Variants in RMDN2 observed in about 807,000 individuals in gnomAD.
RMDN2 encodes regulator of microtubule dynamics protein 2.
RMDN2 carries 61 observed loss-of-function variants against 52.8 expected under a neutral mutation model. The observed-to-expected ratio is 1.16, with a 90% CI of 0.94 to 1.43. The LOEUF (loss-of-function observed/expected upper bound fraction) is 1.43. RMDN2 is among the 40% of genes most tolerant of loss of function. The pLI is 0.00. For synonymous variants in RMDN2, 180 were observed against 153.1 expected, an observed-to-expected ratio of 1.18 and a Z score of -1.30; for missense variants, 592 against 475.3, an observed-to-expected ratio of 1.25 and a Z score of -2.28.
intron 7 of RMDN2, among the ~76,000 whole-genome samples, chr2:37,995,266 A>C (rs1558525835): frequency 6.6e-6 from 1 of 152,008 alleles, no homozygotes; most frequent in Non-Finnish European, 1.5e-5. Flanking sequence ...AAACATATAT[A>C]TGGTTTCAGG....
chr2:37,965,100 T>G (rs1463273698), intron 2 of RMDN2, among the ~76,000 whole-genome samples: 1 of 152,170 alleles, frequency 6.6e-6, no homozygotes, highest in Admixed American at 6.5e-5. Flanking sequence ...CCTTCCATAT[T>G]CAACATATGT....
intron 7 of RMDN2, among the ~76,000 whole-genome samples, chr2:37,996,472 C>G (rs527351838): frequency 2.4e-4 from 36 of 151,602 alleles, no homozygotes; most frequent in African/African-American, 8.2e-4. Context: ...GTAGTTCCAA[C>G]TGTTCAGGAG....
chr2:37,950,504 T>C lies in RMDN2; in HGVS notation c.452+20775T>C, dbSNP rs752640242. On this transcript the variant is annotated intron_variant, in intron 2 of 10. Coordinates refer to ENST00000354545, the MANE Select transcript of RMDN2 (RefSeq NM_001170791.3). Reference sequence around the variant, plus strand: ...ATTCAGTCTTCTGACCTGTTCCACCTCTACAGGGCATTTTATGGCTTAAGG... The same window carrying C: ...ATTCAGTCTTCTGACCTGTTCCACCCCTACAGGGCATTTTATGGCTTAAGG... 4 of 1,612,724 alleles carry C rather than the reference T, an allele frequency of 2.5e-6. No homozygotes were observed. The Admixed American group carries it at 5.0e-5, about 20-fold the overall frequency.
chr2:38,026,338 C>T (rs908391388), intron 10 of RMDN2, among the ~76,000 whole-genome samples: 3 of 151,918 alleles, frequency 2.0e-5, no homozygotes, highest in South Asian at 4.1e-4. Flanking sequence ...TTTGTGTTTT[C>T]CCTATTTCCT....
intron 5 of RMDN2, among the ~76,000 whole-genome samples, chr2:37,982,921 C>G (rs1048798435): frequency 2.0e-5 from 3 of 152,062 alleles, no homozygotes; most frequent in African/African-American, 4.8e-5. Flanking sequence ...CCTACTCTCT[C>G]TCTTCATCGC....
chr2:37,999,497 A>C (rs1040630097), intron 8 of RMDN2, among the ~76,000 whole-genome samples: 1 of 152,236 alleles, frequency 6.6e-6, no homozygotes, highest in South Asian at 2.1e-4. Context: ...CTTTAGTCTC[A>C]AAATGCCTTC....
intron 10 of RMDN2, among the ~76,000 whole-genome samples, chr2:38,046,246 A>G (rs1042406835): frequency 1.9e-4 from 29 of 152,344 alleles, no homozygotes; most frequent in African/African-American, 6.0e-4. Context: ...ACTCACTCAA[A>G]GATTCATTAC....
intron 10 of RMDN2, among the ~76,000 whole-genome samples, chr2:38,062,507 C>T (rs1177757938): frequency 6.6e-6 from 1 of 152,098 alleles, no homozygotes; most frequent in African/African-American, 2.4e-5. Context: ...AGTATGAAGT[C>T]ATGATGAATG....
upstream of RMDN2, among the ~76,000 whole-genome samples, chr2:37,921,531 G>C (rs892156551): frequency 3.3e-5 from 5 of 152,234 alleles, no homozygotes; most frequent in Non-Finnish European, 7.3e-5. Flanking sequence ...CAAATGATCA[G>C]ATTTGAGAAT....
intron 2 of RMDN2, among the ~76,000 whole-genome samples, chr2:37,961,054 A>T (rs973003085): frequency 6.6e-6 from 1 of 152,048 alleles, no homozygotes; most frequent in Non-Finnish European, 1.5e-5. Flanking sequence ...CTGCAGAGAG[A>T]TCTCCTGTTA....
rs34493878 is a variant in RMDN2 at position 37,954,049 on chromosome 2, T to G, written c.453-19991T>G. 2.5e-3 allele frequency among the ~76,000 whole-genome samples: 387 copies of G among 152,076 alleles called. 1 individual carries two copies. The highest frequency in any genetic ancestry group is 3.5e-3 in the Non-Finnish European group (237 of 67,926). ...TGATCCTTTTTTTTAAATCAGGTTGTTTGTTTTTTTGTTGATTTGTAGGAG... is the reference window on the plus strand; with the variant it reads ...TGATCCTTTTTTTTAAATCAGGTTGGTTGTTTTTTTGTTGATTTGTAGGAG... On this transcript the variant is annotated intron_variant, in intron 2 of 10. Coordinates refer to ENST00000354545, the MANE Select transcript of RMDN2 (RefSeq NM_001170791.3).
intron 7 of RMDN2, among the ~76,000 whole-genome samples, chr2:37,993,206 T>A (rs2125144311): frequency 6.6e-6 from 1 of 152,328 alleles, no homozygotes; most frequent in Non-Finnish European, 1.5e-5. Context: ...ATTACAGGCA[T>A]GAACCACCGC....
chr2:37,993,800 T>G (rs1475135367), intron 7 of RMDN2, among the ~76,000 whole-genome samples: 1 of 152,056 alleles, frequency 6.6e-6, no homozygotes, highest in African/African-American at 2.4e-5. Context: ...TAAAATTTAT[T>G]CAGCACAAGC....
chr2:37,978,996 C>A (rs965684071), intron 4 of RMDN2, among the ~76,000 whole-genome samples: 2 of 151,784 alleles, frequency 1.3e-5, no homozygotes, highest in African/African-American at 4.8e-5. Flanking sequence ...TGGTGAAATT[C>A]GTAAAGAAAT....
intron 2 of RMDN2, among the ~76,000 whole-genome samples, chr2:37,951,075 C>T (rs921522967): frequency 2.0e-5 from 3 of 152,090 alleles, no homozygotes; most frequent in African/African-American, 7.2e-5. Context: ...TTAACTTAAG[C>T]TCCCCTATTC....
At chr2:38,048,445 A>T (rs1681403012) in intron 10 of RMDN2, among the ~76,000 whole-genome samples, 1 of 152,236 alleles carries the variant, frequency 6.6e-6, no homozygotes, top group East Asian at 1.9e-4. Context: ...CAGGGACTTC[A>T]GGAAGCTTTC....
At chr2:38,058,623 C>T (rs556485409) in intron 10 of RMDN2, among the ~76,000 whole-genome samples, 1 of 152,358 alleles carries the variant, frequency 6.6e-6, no homozygotes, top group South Asian at 2.1e-4. Context: ...TTGGAGTTAA[C>T]TTTTCCACCA....
Position 37,934,046 on chromosome 2 carries a change from C to A in RMDN2, c.452+4317C>A, listed in dbSNP as rs1208776825. Among the ~76,000 whole-genome samples, 5 of 152,178 alleles carry A rather than the reference C, an allele frequency of 3.3e-5. No individual in the cohort carries two copies. The East Asian group carries it at 9.6e-4, about 29-fold the overall frequency. On this transcript the variant is annotated intron_variant, in intron 2 of 10. Transcript: ENST00000354545. Reference sequence around the variant, plus strand: ...GATGTGCTCTTCATACACAAGTGTCCTTGATAGCAAAAATTAAAATATTAA... The same window carrying A: ...GATGTGCTCTTCATACACAAGTGTCATTGATAGCAAAAATTAAAATATTAA...
Position 38,040,101 on chromosome 2 carries a change from A to G in RMDN2, c.1714-26881A>G, listed in dbSNP as rs1680863887. The stretch of plus-strand genomic sequence containing the variant: ...ATTATTATTTTGCATATGGACATCC[A>G]ATTTTTCCAGTACTACTTGTTAAAA... On this transcript the variant is annotated intron_variant, in intron 10 of 10. Coordinates refer to the RMDN2 transcript ENST00000234195. Among the ~76,000 whole-genome samples, 4 of 146,862 alleles carry G rather than the reference A, an allele frequency of 2.7e-5. No individual in the cohort carries two copies. The South Asian group carries it at 8.6e-4, about 32-fold the overall frequency.
Sources: gnomAD v4.1 joint callset for allele counts (sites outside exome capture counted in the v4.1 genomes callset) on GRCh38, gnomAD v4.1.1 for gene constraint, MANE v1.5 for transcripts, NCBI Gene and HGNC (gene_info 2026-07-23, HGNC 2026-07-21) for gene names.